The following NKAIN3 variants were observed in gnomAD, a reference collection of about 807,000 sequenced individuals.
The protein encoded by NKAIN3 is sodium/potassium-transporting ATPase subunit beta-1-interacting protein 3.
NKAIN3 carries 25 observed loss-of-function variants against 30.2 expected under a neutral mutation model. The ratio of observed to expected loss-of-function variants is 0.83; its 90% CI spans 0.60 to 1.16. The LOEUF (loss-of-function observed/expected upper bound fraction) is 1.16, where lower values mean the gene tolerates loss of function less well. NKAIN3 is among the 50% of genes most tolerant of loss of function. NKAIN3 has a pLI of 0.00. For synonymous variants in NKAIN3, 91 were observed against 89.6 expected, an observed-to-expected ratio of 1.02 and a Z score of -0.09; for missense variants, 225 against 254.1, an observed-to-expected ratio of 0.89 and a Z score of 0.78.
intron 1 of NKAIN3, among the ~76,000 whole-genome samples, chr8:62,332,180 C>T (rs570693524): frequency 4.3e-4 from 66 of 152,214 alleles, no homozygotes; most frequent in African/African-American, 1.5e-3. Flanking sequence ...TAATGTTTCT[C>T]AGTCCATTAC....
chr8:62,322,028 G>T (rs7827326), intron 1 of NKAIN3, among the ~76,000 whole-genome samples: 83,801 of 151,872 alleles, frequency 0.55, 23,551 homozygotes, highest in Non-Finnish European at 0.61. Flanking sequence ...CTCGGCAATG[G>T]CCGACACCCC....
At chr8:62,573,609 T>C (rs991130855) in intron 1 of NKAIN3, among the ~76,000 whole-genome samples, 12 of 152,160 alleles carry the variant, frequency 7.9e-5, no homozygotes, top group Admixed American at 5.2e-4. Context: ...TTTATTTTCA[T>C]CCTATTCTTT....
intron 1 of NKAIN3, among the ~76,000 whole-genome samples, chr8:62,401,111 T>C (rs984478340): frequency 6.6e-6 from 1 of 151,158 alleles, no homozygotes; most frequent in African/African-American, 2.4e-5. Context: ...CATGCATGCA[T>C]TATTCTCATT....
chr8:62,559,673 C>G (rs1809508967), intron 1 of NKAIN3, among the ~76,000 whole-genome samples: 1 of 151,992 alleles, frequency 6.6e-6, no homozygotes, highest in African/African-American at 2.4e-5. Flanking sequence ...GTATAAATAC[C>G]TTATGTTTCT....
intron 1 of NKAIN3, among the ~76,000 whole-genome samples, chr8:62,462,164 G>A (rs567258546): frequency 4.7e-4 from 71 of 152,262 alleles, no homozygotes; most frequent in African/African-American, 1.6e-3. Flanking sequence ...GGGCACAGGC[G>A]CAGATGGGAT....
intron 1 of NKAIN3, among the ~76,000 whole-genome samples, chr8:62,276,869 G>A (rs1289513233): frequency 2.6e-5 from 4 of 151,992 alleles, no homozygotes; most frequent in African/African-American, 7.2e-5. Flanking sequence ...ATACAACTGT[G>A]ATTTCTCTGC....
intron 1 of NKAIN3, among the ~76,000 whole-genome samples, chr8:62,566,099 C>T (rs1809742555): frequency 6.6e-6 from 1 of 152,090 alleles, no homozygotes; most frequent in Admixed American, 6.6e-5. Flanking sequence ...ACATCAGATA[C>T]TGCATGGCTT....
intron 1 of NKAIN3, among the ~76,000 whole-genome samples, chr8:62,313,954 C>A (rs1814532415): frequency 6.6e-6 from 1 of 152,034 alleles, no homozygotes; most frequent in East Asian, 1.9e-4. Context: ...CAGAGAGGAA[C>A]ACAAAAGTAC....
intron 4 of NKAIN3, among the ~76,000 whole-genome samples, chr8:62,811,507 T>C (rs1451980577): frequency 6.6e-6 from 1 of 152,096 alleles, no homozygotes; most frequent in African/African-American, 2.4e-5. Flanking sequence ...GGTGATCTAG[T>C]TTCTCTGCAT....
chr8:62,508,620 C>T (rs1807718471), intron 1 of NKAIN3, among the ~76,000 whole-genome samples: 1 of 152,128 alleles, frequency 6.6e-6, no homozygotes, highest in African/African-American at 2.4e-5. Context: ...GCATGGCCAG[C>T]TCCAAAGTGT....
At chr8:62,843,596 A>G (rs558272361) in intron 4 of NKAIN3, among the ~76,000 whole-genome samples, 183 of 152,102 alleles carry the variant, frequency 1.2e-3, no homozygotes, top group African/African-American at 4.3e-3. Context: ...CGGCCTCCCA[A>G]AGTGCTAGAA....
chr8:62,310,257 A>G (rs555700176), intron 1 of NKAIN3, among the ~76,000 whole-genome samples: 45 of 150,646 alleles, frequency 3.0e-4, no homozygotes, highest in Middle Eastern at 6.8e-3. Context: ...GATAAATGGC[A>G]TTGAAGTTAT....
intron 3 of NKAIN3, among the ~76,000 whole-genome samples, chr8:62,735,346 C>T (rs968079349): frequency 1.9e-5 from 1 of 51,310 alleles, no homozygotes; most frequent in Non-Finnish European, 7.4e-5. Flanking sequence ...ATTCAAAAAC[C>T]TTTCTTTCTT....
chr8:62,319,870 C>G (rs944441372), intron 1 of NKAIN3, among the ~76,000 whole-genome samples: 5 of 152,204 alleles, frequency 3.3e-5, no homozygotes, highest in African/African-American at 9.6e-5. Context: ...GAGCTGAGTT[C>G]AATTCCTGGA....
intron 1 of NKAIN3, among the ~76,000 whole-genome samples, chr8:62,307,734 A>G (rs886093761): frequency 2.7e-5 from 4 of 150,852 alleles, no homozygotes; most frequent in Admixed American, 2.6e-4. Context: ...TAAACAAATA[A>G]TTCTCTAAGC....
intron 1 of NKAIN3, among the ~76,000 whole-genome samples, chr8:62,495,901 C>G (rs923800975): frequency 9.9e-5 from 15 of 152,112 alleles, no homozygotes; most frequent in Non-Finnish European, 1.8e-4. Context: ...GAAAGCTCTT[C>G]AGTGATGGAG....
At chr8:62,749,492 A>G (rs1393813228) in intron 4 of NKAIN3, among the ~76,000 whole-genome samples, 3 of 152,166 alleles carry the variant, frequency 2.0e-5, no homozygotes, top group Non-Finnish European at 4.4e-5. Flanking sequence ...CTTTTCTTGG[A>G]ACACACCTGC....
At chr8:62,668,552 AC>A (rs1295598001) in intron 3 of NKAIN3, among the ~76,000 whole-genome samples, 4 of 152,176 alleles carry the variant, frequency 2.6e-5, no homozygotes, top group African/African-American at 9.7e-5. Flanking sequence ...CCTAAATGAT[AC>A]GTTTCGTAAG....
intron 5 of NKAIN3, among the ~76,000 whole-genome samples, chr8:62,929,117 G>A (rs1431150556): frequency 6.6e-6 from 1 of 152,198 alleles, no homozygotes; most frequent in Non-Finnish European, 1.5e-5. Context: ...CAGTAAGCAT[G>A]CAGGGAATCA....
Sources: gnomAD v4.1 joint callset for allele counts (sites outside exome capture counted in the v4.1 genomes callset) on GRCh38, gnomAD v4.1.1 for gene constraint, MANE v1.5 for transcripts, NCBI Gene and HGNC (gene_info 2026-07-23, HGNC 2026-07-21) for gene names.